The following DYM variants were observed in gnomAD, a reference collection of about 807,000 sequenced individuals.
DYM encodes the protein dyggve-Melchior-Clausen syndrome protein.
In DYM, 78 loss-of-function variants were observed where a neutral mutation model predicts 93.1. That is an observed-to-expected ratio of 0.84 (90% confidence interval 0.70 to 1.01). The LOEUF (loss-of-function observed/expected upper bound fraction) is 1.01. Among genes scored for constraint, DYM ranks in the 50% least tolerant of loss-of-function variants. The probability of loss-of-function intolerance (pLI) is 0.00; values close to 1 mark genes in which losing one functional copy is unlikely to be tolerated. For synonymous variants in DYM, 321 were observed against 319.7 expected, an observed-to-expected ratio of 1.00 and a Z score of -0.04; for missense variants, 789 against 845.0, an observed-to-expected ratio of 0.93 and a Z score of 0.82.
chr18:49,332,072 A>T, intron 7 of DYM, 66 bp from the exon 8 acceptor site: 3 of 1,469,170 alleles, frequency 2.0e-6, no homozygotes, highest in Non-Finnish European at 2.8e-6. Context: ...GAATAACAAT[A>T]CAGAAATAAT....
chr18:49,157,425 T>C (rs4393642), intron 15 of DYM, among the ~76,000 whole-genome samples: 2 of 152,148 alleles, frequency 1.3e-5, no homozygotes, highest in Non-Finnish European at 1.5e-5. Flanking sequence ...CCAAGGATCC[T>C]ACCTCATTCA....
chr18:49,176,876 G>T (rs1175510719), intron 14 of DYM, among the ~76,000 whole-genome samples: 3 of 152,060 alleles, frequency 2.0e-5, no homozygotes, highest in Non-Finnish European at 4.4e-5. Context: ...AAACTACGAT[G>T]AAAGTCTAAT....
At chr18:49,401,763 T>C (rs1366032248) in intron 2 of DYM, among the ~76,000 whole-genome samples, 1 of 152,108 alleles carries the variant, frequency 6.6e-6, no homozygotes, top group African/African-American at 2.4e-5. Flanking sequence ...CTGTGGCTCA[T>C]GCCTGTAATA....
chr18:49,089,598 C>T (rs988191318), intron 17 of DYM, among the ~76,000 whole-genome samples: 1 of 152,194 alleles, frequency 6.6e-6, no homozygotes, highest in African/African-American at 2.4e-5. Flanking sequence ...AGTAGTGGTT[C>T]CCAAATCTGG....
chr18:49,123,907 T>A (rs2082593647), intron 15 of DYM, among the ~76,000 whole-genome samples: 1 of 152,198 alleles, frequency 6.6e-6, no homozygotes, highest in South Asian at 2.1e-4. Context: ...GTATGACTAC[T>A]TTAGAAATAT....
At chr18:49,318,957 C>A (rs928697399) in intron 8 of DYM, among the ~76,000 whole-genome samples, 1 of 151,396 alleles carries the variant, frequency 6.6e-6, no homozygotes, top group South Asian at 2.1e-4. Flanking sequence ...CCTGCCACCA[C>A]GCCCAACTAA....
At position 49,043,959 on chromosome 18, in the gene DYM, AC is replaced by A; in HGVS notation, c.*95del. ...TGCAATCCTCTTTAACAGAAGATAC[AC>A]CAAGTAACCTGTCTGTCTACTTCTG... On this transcript the variant is annotated 3_prime_UTR_variant, in exon 18 of 18. Coordinates refer to ENST00000675505, the MANE Select transcript of DYM (RefSeq NM_001353214.3). The A allele has an allele frequency of 1.4e-6, 2 of 1,419,134 alleles. No homozygotes were observed. The highest frequency in any genetic ancestry group is 2.5e-5 in the South Asian group (2 of 81,286). The allele number at this position is 1,419,134 out of a possible 1,614,324, so 87.9% of individuals were successfully genotyped here.
chr18:49,145,108 C>CACATATATATATATAT (rs74174741), intron 15 of DYM, among the ~76,000 whole-genome samples: 3 of 18,752 alleles, frequency 1.6e-4, no homozygotes, highest in Non-Finnish European at 1.5e-4. Context: ...CAAAAAAATT[C>CACATATATATATATAT]ATATATATAT....
intron 17 of DYM, among the ~76,000 whole-genome samples, chr18:49,090,766 A>G (rs958306586): frequency 2.6e-5 from 4 of 152,236 alleles, no homozygotes; most frequent in African/African-American, 9.6e-5. Context: ...CTAATACCAT[A>G]AATCAGAATA....
At chr18:49,314,311 T>C (rs1044820902) in intron 8 of DYM, among the ~76,000 whole-genome samples, 1 of 152,252 alleles carries the variant, frequency 6.6e-6, no homozygotes, top group African/African-American at 2.4e-5. Flanking sequence ...TTTATATGAG[T>C]AGCTGTAGGT....
At chr18:49,300,802 G>A (rs1257752247) in intron 8 of DYM, among the ~76,000 whole-genome samples, 2 of 152,066 alleles carry the variant, frequency 1.3e-5, no homozygotes, top group African/African-American at 4.8e-5. Flanking sequence ...AGTTTTTCTG[G>A]GAATTAAGGA....
At chr18:49,303,630 G>A (rs1256711941) in intron 8 of DYM, among the ~76,000 whole-genome samples, 1 of 152,188 alleles carries the variant, frequency 6.6e-6, no homozygotes, top group East Asian at 1.9e-4. Flanking sequence ...GCTGAAAAGA[G>A]AGGGCAGGCT....
intron 15 of DYM, among the ~76,000 whole-genome samples, chr18:49,127,090 A>C (rs1208553492): frequency 6.6e-6 from 1 of 152,188 alleles, no homozygotes; most frequent in East Asian, 1.9e-4. Flanking sequence ...CCATAATAGA[A>C]TCTGCTAGCT....
chr18:49,291,225 A>G (rs2145942994), intron 8 of DYM, among the ~76,000 whole-genome samples: 1 of 152,358 alleles, frequency 6.6e-6, no homozygotes, highest in East Asian at 1.9e-4. Context: ...GTATAACAAA[A>G]CAAGCAACTG....
chr18:49,392,396 C>T (rs1349952928), intron 2 of DYM, among the ~76,000 whole-genome samples: 1 of 152,124 alleles, frequency 6.6e-6, no homozygotes, highest in East Asian at 1.9e-4. Context: ...ATACTATCTA[C>T]AGAGTGAAAA....
chr18:49,443,277 C>T (rs76007889), intron 1 of DYM, among the ~76,000 whole-genome samples: 13,954 of 152,172 alleles, frequency 0.092, 865 homozygotes, highest in East Asian at 0.31. Flanking sequence ...TTTGTTTACA[C>T]ATGGTCTATA....
intron 14 of DYM, among the ~76,000 whole-genome samples, chr18:49,193,682 T>C (rs560807341): frequency 1.3e-5 from 2 of 152,368 alleles, no homozygotes; most frequent in Admixed American, 1.3e-4. Flanking sequence ...TCTCACTTTA[T>C]AATGCTGTGA....
intron 14 of DYM, among the ~76,000 whole-genome samples, chr18:49,199,469 GCTGTAAATCTTTAAGA>G (rs1290433811): frequency 6.6e-6 from 1 of 152,086 alleles, no homozygotes; most frequent in Non-Finnish European, 1.5e-5. Context: ...ACTGACTAAC[GCTGTAAATCTTTAAGA>G]CTGAATACCA....
intron 11 of DYM, among the ~76,000 whole-genome samples, chr18:49,268,020 C>T (rs1265042131): frequency 1.3e-5 from 2 of 152,152 alleles, no homozygotes; most frequent in Non-Finnish European, 2.9e-5. Flanking sequence ...GTCTCTCTTA[C>T]TTTTCTTAAA....
Sources: gnomAD v4.1 joint callset for allele counts (sites outside exome capture counted in the v4.1 genomes callset) on GRCh38, gnomAD v4.1.1 for gene constraint, MANE v1.5 for transcripts, NCBI Gene and HGNC (gene_info 2026-07-23, HGNC 2026-07-21) for gene names.